MTFR1: variants seen among roughly 807,000 people sequenced by gnomAD.
MTFR1 encodes mitochondrial fission regulator 1, also known as chondrocyte protein with a poly-proline region.
A neutral mutation model predicts 38.8 loss-of-function variants in MTFR1; 28 were observed. The ratio of observed to expected loss-of-function variants is 0.72; its 90% CI spans 0.53 to 0.99. MTFR1 has a LOEUF of 0.99. Ranked by LOEUF, MTFR1 falls within the 50% of genes least tolerant of loss-of-function variation. MTFR1 has a pLI of 0.00. For missense variants in MTFR1, 358 were observed against 395.5 expected (o/e 0.91, Z 0.81); for synonymous variants, 145 against 137.0 (o/e 1.06, Z -0.41).
intron 3 of MTFR1, chr8:65,739,538 A>G (rs1372078477): frequency 6.4e-7 from 1 of 1,571,750 alleles, no homozygotes; most frequent in Non-Finnish European, 8.6e-7. Flanking sequence ...TCTAAATGGA[A>G]GTACTCAATT....
At chr8:65,763,794 T>G (rs915463322) in intron 3 of MTFR1, among the ~76,000 whole-genome samples, 1 of 152,140 alleles carries the variant, frequency 6.6e-6, no homozygotes, top group Non-Finnish European at 1.5e-5. Flanking sequence ...AAACTTAACA[T>G]ACAAAATAAA....
chr8:65,694,230 A>C (rs541293841), intron 4 of MTFR1, among the ~76,000 whole-genome samples: 1 of 151,670 alleles, frequency 6.6e-6, no homozygotes, highest in African/African-American at 2.4e-5. Flanking sequence ...ACGCACCACC[A>C]CACCCAGCTA....
chr8:65,742,122 T>G (rs1487502568), intron 3 of MTFR1, among the ~76,000 whole-genome samples: 1 of 152,346 alleles, frequency 6.6e-6, no homozygotes, highest in African/African-American at 2.4e-5. Flanking sequence ...AGAAGAACTT[T>G]TTAAAAAATG....
At chr8:65,663,606 T>G (rs1441164233) in intron 1 of MTFR1, among the ~76,000 whole-genome samples, 1 of 148,534 alleles carries the variant, frequency 6.7e-6, no homozygotes, top group Non-Finnish European at 1.5e-5. Context: ...CCCCAAAATG[T>G]GAAGAAAACC....
downstream of MTFR1, among the ~76,000 whole-genome samples, chr8:65,773,772 CTAACAATCTA>C (rs1346785897): frequency 6.6e-6 from 1 of 152,048 alleles, no homozygotes; most frequent in East Asian, 1.9e-4. Flanking sequence ...AGAGATACTT[CTAACAATCTA>C]ATCATTTTTA....
At chr8:65,773,668 T>C (rs1226162864), downstream of MTFR1, among the ~76,000 whole-genome samples, 1 of 152,238 alleles carries the variant, frequency 6.6e-6, no homozygotes, top group Non-Finnish European at 1.5e-5. Flanking sequence ...AACATTGATA[T>C]GTTTGGTCTT....
chr8:65,682,132 TTTACA>T (rs1436091738), intron 2 of MTFR1: 1 of 223,514 alleles, frequency 4.5e-6, no homozygotes, highest in East Asian at 8.7e-5. Context: ...TATATAATAC[TTTACA>T]TTAAACTTTA....
intron 3 of MTFR1, chr8:65,728,032 T>A (rs1216959911): frequency 6.6e-6 from 1 of 152,246 alleles, no homozygotes; most frequent in Non-Finnish European, 1.5e-5. Context: ...GACTATATCA[T>A]CTGCTTTTCA....
At chr8:65,674,613 CAAAAAAT>C (rs1327987252) in intron 2 of MTFR1, among the ~76,000 whole-genome samples, 4 of 151,770 alleles carry the variant, frequency 2.6e-5, no homozygotes, top group South Asian at 2.1e-4. Context: ...ACCCTGCTTC[CAAAAAAT>C]AAAAAATAAA....
chr8:65,665,082 G>A (rs111464945), intron 1 of MTFR1, among the ~76,000 whole-genome samples: 16,600 of 151,394 alleles, frequency 0.11, 1,112 homozygotes, highest in Middle Eastern at 0.17. Flanking sequence ...CTACAGACAC[G>A]TGCCACCATG....
intron 3 of MTFR1, among the ~76,000 whole-genome samples, chr8:65,766,439 C>A (rs375271721): frequency 6.6e-6 from 1 of 152,172 alleles, no homozygotes; most frequent in South Asian, 2.1e-4. Flanking sequence ...AAACAAGGAG[C>A]CTCCTGGTTA....
intron 3 of MTFR1, among the ~76,000 whole-genome samples, chr8:65,746,390 T>C (rs377403124): frequency 6.6e-6 from 1 of 152,168 alleles, no homozygotes; most frequent in South Asian, 2.1e-4. Context: ...GCTTAAATTA[T>C]TTGTTATTCA....
chr8:65,713,494 AAAAC>A, downstream of MTFR1, among the ~76,000 whole-genome samples: 1 of 151,804 alleles, frequency 6.6e-6, no homozygotes, highest in East Asian at 1.9e-4. Context: ...AAACAAAACA[AAAAC>A]AAAAATGTGT....
downstream of MTFR1, among the ~76,000 whole-genome samples, chr8:65,712,691 CAG>C (rs1399726569): frequency 2.6e-5 from 4 of 152,314 alleles, no homozygotes; most frequent in East Asian, 3.9e-4. Flanking sequence ...GCTGTAAAGA[CAG>C]TGCTCACCAG....
At chr8:65,705,394 A>G (rs544572587) in intron 5 of MTFR1, among the ~76,000 whole-genome samples, 4 of 152,332 alleles carry the variant, frequency 2.6e-5, no homozygotes, top group African/African-American at 9.6e-5. Flanking sequence ...CAACCAGGTC[A>G]GGTTTAGATG....
chr8:65,702,923 G>A (rs1805659291), intron 4 of MTFR1, among the ~76,000 whole-genome samples: 1 of 152,104 alleles, frequency 6.6e-6, no homozygotes, highest in South Asian at 2.1e-4. Context: ...TCAGTGTAGT[G>A]TTATTCTAAG....
intron 3 of MTFR1, among the ~76,000 whole-genome samples, chr8:65,735,388 A>G (rs893627803): frequency 6.6e-6 from 1 of 151,836 alleles, no homozygotes; most frequent in African/African-American, 2.4e-5. Flanking sequence ...GGCTCATTGC[A>G]GCCCTGACCT....
chr8:65,657,630 A>G (rs1241314574), intron 1 of MTFR1, among the ~76,000 whole-genome samples: 1 of 151,890 alleles, frequency 6.6e-6, no homozygotes, highest in Non-Finnish European at 1.5e-5. Context: ...CTCGAGCCCC[A>G]GGAGTTTGAG....
chr8:65,761,005 A>G (rs1808464396), intron 3 of MTFR1, among the ~76,000 whole-genome samples: 1 of 152,238 alleles, frequency 6.6e-6, no homozygotes, highest in South Asian at 2.1e-4. Context: ...CAATTACTAA[A>G]AAGCTCACCC....
Sources: allele counts gnomAD v4.1 joint callset (sites outside exome capture counted in the v4.1 genomes callset), GRCh38; gene constraint gnomAD v4.1.1; transcripts MANE v1.5; gene names NCBI Gene and HGNC (gene_info 2026-07-23, HGNC 2026-07-21).